Variants in MKNK1 observed in about 807,000 individuals in gnomAD.
The protein encoded by MKNK1 is MAP kinase-interacting serine/threonine-protein kinase 1.
MKNK1 carries 30 observed loss-of-function variants against 49.3 expected under a neutral mutation model. That is an observed-to-expected ratio of 0.61 (90% CI 0.46 to 0.83). MKNK1 has a LOEUF of 0.83. Ranked by LOEUF, MKNK1 falls within the 40% of genes least tolerant of loss-of-function variation. MKNK1 has a pLI of 0.00. For missense variants in MKNK1, 423 were observed against 524.7 expected (o/e 0.81, Z 1.89); for synonymous variants, 176 against 201.7 (o/e 0.87, Z 1.08).
intron 4 of MKNK1, among the ~76,000 whole-genome samples, chr1:46,578,412 C>T (rs1671277969): frequency 6.6e-6 from 1 of 152,036 alleles, no homozygotes. Context: ...AAGGAATTGC[C>T]AAGCCAGAGT....
At chr1:46,560,360 G>A (rs1456332622) in intron 11 of MKNK1, 83 bp from the exon 12 acceptor site, 1 of 1,437,832 alleles carries the variant, frequency 7.0e-7, no homozygotes, top group East Asian at 2.3e-5. Context: ...CAGTGGGTAG[G>A]TTACTATAGG....
intron 2 of MKNK1, chr1:46,586,044 G>T: frequency 2.9e-6 from 2 of 688,310 alleles, no homozygotes; most frequent in Non-Finnish European, 4.6e-6. Flanking sequence ...GGTTACACAG[G>T]GGGAAGCGAG....
chr1:46,561,509 G>A lies in MKNK1; in HGVS notation c.938C>T (p.Ala313Val), dbSNP rs766412187. Residue 313 changes from alanine to valine, a missense_variant, in exon 11 of 13, where the codon GCC (alanine) becomes GTC (valine). Physicochemically the swap from Ala to Val is moderately conservative, Grantham distance 64. Transcript: ENST00000371945. Reference sequence around the variant, plus strand: ...CACCCATGGGTGCTGCAGAACTTGGGCGGCGCTAAGTCTCTGCTTTGCATC... The same window carrying A: ...CACCCATGGGTGCTGCAGAACTTGGACGGCGCTAAGTCTCTGCTTTGCATC... ...VRDAKQRLSA[A>V]QVLQHPWVQG... The A allele has an allele frequency of 4.3e-6, 7 of 1,613,788 alleles. No individual in the cohort carries two copies. In the Admixed American group the frequency reaches 1.2e-4, roughly 27 times the overall value.
At position 46,561,480 on chromosome 1, in the gene MKNK1, C is replaced by T; in HGVS notation, c.967G>A (p.Gly323Arg). The T allele has an allele frequency of 1.2e-6, 2 of 1,611,304 alleles. No homozygotes were observed. Among genetic ancestry groups the T allele is most frequent in the Non-Finnish European group, 1.7e-6 (2 of 1,178,162 alleles). Residue 323 changes from glycine (G) to arginine (R), a missense_variant and splice_region_variant, in exon 11 of 13, where the codon GGG becomes AGG. Transcript: ENST00000371945. ...CACCCCTCCCTGGAGTCACTCACCC[C>T]CTGCACCCATGGGTGCTGCAGAACT... ...AQVLQHPWVQ[G>R]QAPEKGLPTP...
intron 8 of MKNK1, chr1:46,565,364 T>C: frequency 1.8e-6 from 1 of 550,948 alleles, no homozygotes; most frequent in East Asian, 3.1e-5. Context: ...ATGGGTGGAC[T>C]ATTTGGTGTC....
At chr1:46,570,919 T>C (rs1168762077) in intron 7 of MKNK1, among the ~76,000 whole-genome samples, 6 of 152,250 alleles carry the variant, frequency 3.9e-5, no homozygotes, top group Non-Finnish European at 7.3e-5. Context: ...AAGTGCTATA[T>C]AGTGTTAACT....
intron 1 of MKNK1, 64 bp from the exon 2 acceptor site, chr1:46,594,344 G>A: frequency 1.5e-6 from 1 of 646,102 alleles, no homozygotes; most frequent in South Asian, 1.6e-5. Flanking sequence ...CCAGAAAAGA[G>A]AAAGATCAAT....
chr1:46,564,230 G>A (rs1036759203), intron 9 of MKNK1, among the ~76,000 whole-genome samples: 5 of 151,726 alleles, frequency 3.3e-5, no homozygotes, highest in Non-Finnish European at 7.4e-5. Context: ...TTGGCCAAGC[G>A]ATCCCATGTG....
intron 3 of MKNK1, 81 bp from the exon 4 acceptor site, chr1:46,580,708 G>A (rs1671603591): frequency 2.1e-6 from 2 of 971,042 alleles, no homozygotes; most frequent in Non-Finnish European, 3.3e-6. Context: ...TTGTGGCTCA[G>A]CTTCCCTGAT....
chr1:46,578,324 G>A (rs1000252703), intron 4 of MKNK1, among the ~76,000 whole-genome samples: 2 of 152,176 alleles, frequency 1.3e-5, no homozygotes, highest in Non-Finnish European at 2.9e-5. Flanking sequence ...GTGGGGCCAT[G>A]TTGGGAGAAG....
Position 46,559,945 on chromosome 1 carries a change from C to T in MKNK1, c.1013+289G>A, listed in dbSNP as rs540415516. On this transcript the variant is annotated intron_variant, in intron 12 of 12. Transcript: ENST00000371945. ...TGAATAACCCATGGGTAAGGTCTGT[C>T]TTTGGGCTGTAAGTTACAGTTCAAT... 9.7e-5 allele frequency: 52 copies of T among 534,314 alleles called. No individual in the cohort carries two copies. In the South Asian group the frequency reaches 1.1e-3, roughly 11 times the overall value. The allele number at this position is 534,314 out of a possible 1,614,324, so 33.1% of individuals were successfully genotyped here. A position where few individuals can be genotyped will look rare whatever the true frequency, so the allele number is the denominator to read the frequency against.
intron 2 of MKNK1, among the ~76,000 whole-genome samples, chr1:46,583,541 C>A (rs1485448091): frequency 6.6e-6 from 1 of 152,124 alleles, no homozygotes; most frequent in South Asian, 2.1e-4. Context: ...TGGAAAGGAG[C>A]TCAGACAGGC....
At chr1:46,563,461 G>A (rs915729486) in intron 9 of MKNK1, 3 of 152,290 alleles carry the variant, frequency 2.0e-5, no homozygotes, top group African/African-American at 4.8e-5. Context: ...TGTAGAAAGC[G>A]GCTGATAGGA....
chr1:46,572,237 G>C (rs542864414), intron 6 of MKNK1, 70 bp from the exon 7 acceptor site: 1 of 1,298,948 alleles, frequency 7.7e-7, no homozygotes, highest in Admixed American at 1.9e-5. Flanking sequence ...TTTTTTAGAC[G>C]AAGTCTCACT....
At chr1:46,588,658 T>A (rs1672914685) in intron 2 of MKNK1, among the ~76,000 whole-genome samples, 1 of 151,946 alleles carries the variant, frequency 6.6e-6, no homozygotes. Context: ...ATACAAAAAA[T>A]TAGCCGGGCG....
At chr1:46,581,046 A>AC (rs1671656017) in intron 3 of MKNK1, among the ~76,000 whole-genome samples, 1 of 151,918 alleles carries the variant, frequency 6.6e-6, no homozygotes, top group Admixed American at 6.6e-5. Context: ...ACATAGCAAG[A>AC]CCCCATCTCT....
At chr1:46,558,890 C>T in intron 12 of MKNK1, 90 bp from the exon 13 acceptor site, 1 of 1,081,784 alleles carries the variant, frequency 9.2e-7, no homozygotes, top group Non-Finnish European at 1.3e-6. Flanking sequence ...GCTGCTGTGG[C>T]TCTACGCTCC....
chr1:46,588,858 C>T (rs1384469027), intron 2 of MKNK1, among the ~76,000 whole-genome samples: 1 of 148,928 alleles, frequency 6.7e-6, no homozygotes, highest in East Asian at 2.0e-4. Context: ...TTTATAAAAA[C>T]AAATGAAAAA....
chr1:46,594,812 T>C, intron 1 of MKNK1: 1 of 393,384 alleles, frequency 2.5e-6, no homozygotes, highest in Non-Finnish European at 5.0e-6. Context: ...CTGGGCAACA[T>C]GGTGAAACCC....
Sources: gnomAD v4.1 joint callset for allele counts (sites outside exome capture counted in the v4.1 genomes callset) on GRCh38, gnomAD v4.1.1 for gene constraint, MANE v1.5 for transcripts, NCBI Gene and HGNC (gene_info 2026-07-23, HGNC 2026-07-21) for gene names.